Variants in SPINT1 observed in about 807,000 individuals in gnomAD.
SPINT1 encodes the protein kunitz-type protease inhibitor 1.
A neutral mutation model predicts 53.7 loss-of-function variants in SPINT1; 38 were observed. The ratio of observed to expected loss-of-function variants is 0.71; its 90% CI spans 0.55 to 0.93. The LOEUF (loss-of-function observed/expected upper bound fraction) is 0.93, where lower values mean the gene tolerates loss of function less well. Ranked by LOEUF, SPINT1 falls within the 40% of genes least tolerant of loss-of-function variation. The pLI is 0.00. For missense variants in SPINT1, 645 were observed against 692.9 expected, an observed-to-expected ratio of 0.93 and a Z score of 0.78; for synonymous variants, 283 against 280.6, an observed-to-expected ratio of 1.01 and a Z score of -0.08.
intron 2 of SPINT1, 76 bp from the exon 3 acceptor site, chr15:40,853,048 C>T (rs1202636718): frequency 1.3e-6 from 2 of 1,548,672 alleles, no homozygotes; most frequent in Non-Finnish European, 1.7e-6. Flanking sequence ...ATACTTTCAC[C>T]ACCCCACTTT....
intron 10 of SPINT1, among the ~76,000 whole-genome samples, 181 bp downstream of exon 10, chr15:40,856,504 C>T (rs936377158): frequency 1.3e-5 from 2 of 152,110 alleles, no homozygotes; most frequent in Non-Finnish European, 2.9e-5. Context: ...CAGTAAAGTG[C>T]GTGCCGATGT....
At position 40,856,211 on chromosome 15, in the gene SPINT1, A is replaced by T; in HGVS notation, c.1289-65A>T. 6 of 1,606,902 alleles carry T rather than the reference A, an allele frequency of 3.7e-6. No homozygotes were observed. In the South Asian group the frequency reaches 6.6e-5, roughly 18 times the overall value. On this transcript the variant is annotated intron_variant, in intron 9 of 10. Transcript: ENST00000562057. ...AGGATGCCAGTGTGAGGTCTGGGGC[A>T]CTGGGGAGCAGCTGAGTCTCTGAGC...
rs764959864 is a variant in SPINT1, at chr15:40,856,867, C to G, written c.1434C>G (p.Asp478Glu). The G allele has an allele frequency of 3.7e-6, 6 of 1,614,064 alleles. No homozygotes were observed. The African/African-American group carries it at 8.0e-5, about 22-fold the overall frequency. The change falls in exon 11 of 11, where the codon GAC (aspartate) becomes GAG (glutamate). Residue 478 changes from aspartate to glutamate, a missense_variant. Transcript: ENST00000562057. ...GCTTCTTCAAGAACCAGAGAAAGGA[C>G]TTCCACGGACACCACCACCACCCAC... ...GYCFFKNQRKDFHGHHHHPPP... is the reference protein window; with the variant it reads ...GYCFFKNQRKEFHGHHHHPPP...
In SPINT1 at chr15:40,855,974, C is replaced by T. The variant is rs141146817; in HGVS notation, c.1200C>T (p.Cys400=). 1.7e-4 allele frequency: 279 copies of T among 1,614,094 alleles called. No homozygotes were observed. Among genetic ancestry groups the T allele is most frequent in the African/African-American group, 2.4e-4 (18 of 74,930 alleles). Reference sequence around the variant, plus strand: ...ACTACAACCCCTTCAGCGAACACTGCGCCCGCTTTACCTATGGTGGTTGTT... The same window carrying T: ...ACTACAACCCCTTCAGCGAACACTGTGCCCGCTTTACCTATGGTGGTTGTT... The part of the protein sequence containing the change: ...RWYYNPFSEH[C]ARFTYGGCYG... Residue 400 remains cysteine (C), a synonymous_variant, in exon 9 of 11, where the codon TGC becomes TGT. Transcript: ENST00000562057.
At chr15:40,852,195 C>G (rs1032403723) in intron 2 of SPINT1, among the ~76,000 whole-genome samples, 4 of 152,192 alleles carry the variant, frequency 2.6e-5, no homozygotes, top group East Asian at 1.9e-4. Context: ...GGCTGCATCA[C>G]TCTAGTCTCT....
chr15:40,851,348 T>C (rs1434718208), intron 2 of SPINT1, among the ~76,000 whole-genome samples: 1 of 151,962 alleles, frequency 6.6e-6, no homozygotes, highest in Non-Finnish European at 1.5e-5. Context: ...GAGAGGGGGT[T>C]TCACTGTGTT....
At chr15:40,849,574 C>G (rs1201885207) in intron 2 of SPINT1, among the ~76,000 whole-genome samples, 1 of 152,130 alleles carries the variant, frequency 6.6e-6, no homozygotes, top group Non-Finnish European at 1.5e-5. Flanking sequence ...TATGTATTAC[C>G]TAAACTAGAA....
At position 40,853,252 on chromosome 15, in the gene SPINT1, G is replaced by T; in HGVS notation, c.603+1G>T. The T allele has an allele frequency of 6.2e-7, 1 of 1,614,160 alleles. No homozygotes were observed. Among genetic ancestry groups the T allele is most frequent in the Non-Finnish European group, 8.5e-7 (1 of 1,179,988 alleles). ...GGGTGACACGGATGTCAGGGTAGAG[G>T]TGAGACACTGGGCTGACTCTGACCC... On this transcript the variant is annotated splice_donor_variant, in intron 3 of 10. Coordinates refer to ENST00000562057, the MANE Select transcript of SPINT1 (RefSeq NM_003710.4). LOFTEE classifies it high-confidence loss of function.
chr15:40,856,135 C>A, intron 9 of SPINT1, 73 bp downstream of exon 9: 1 of 1,595,202 alleles, frequency 6.3e-7, no homozygotes, highest in Non-Finnish European at 8.6e-7. Context: ...TGTCCCCAGG[C>A]CTTTGGGAGT....
Position 40,856,876 on chromosome 15 carries a change from AC to A in SPINT1, c.1444del (p.His482ThrfsTer173). 1.2e-6 allele frequency: 2 copies of A among 1,614,008 alleles called. No individual in the cohort carries two copies. Among genetic ancestry groups the A allele is most frequent in the Non-Finnish European group, 1.7e-6 (2 of 1,179,996 alleles). Reference sequence around the variant, plus strand: ...AGAACCAGAGAAAGGACTTCCACGGACACCACCACCACCCACCACCCACCCC... The same window carrying A: ...AGAACCAGAGAAAGGACTTCCACGGAACCACCACCACCCACCACCCACCCC... Reference protein sequence around the residue: ...FKNQRKDFHGHHHHPPPTPAS... With the variant: ...FKNQRKDFHGXHHHPPPTPAS... On this transcript the variant is annotated frameshift_variant, in exon 11 of 11. Coordinates refer to ENST00000562057, the MANE Select transcript of SPINT1 (RefSeq NM_003710.4). LOFTEE classifies it high-confidence loss of function.
Position 40,853,880 on chromosome 15 carries a change from A to G in SPINT1, c.912A>G (p.Gln304=). ...EECILACRGV[Q]GPSMERRHPV... is the part of the protein sequence containing the mutation. Reference sequence around the variant, plus strand: ...GCATTCTAGCCTGTCGGGGTGTGCAAGGTGGGCCTTTGAGAGGCAGCTCTG... The same window carrying G: ...GCATTCTAGCCTGTCGGGGTGTGCAGGGTGGGCCTTTGAGAGGCAGCTCTG... Residue 304 remains glutamine (Q), a splice_region_variant and synonymous_variant, in exon 5 of 11, where the codon CAA becomes CAG. Coordinates refer to ENST00000562057, the MANE Select transcript of SPINT1 (RefSeq NM_003710.4). 1.2e-6 allele frequency: 2 copies of G among 1,614,132 alleles called. No individual in the cohort carries two copies. The highest frequency in any genetic ancestry group is 1.7e-6 in the Non-Finnish European group (2 of 1,180,008).
At chr15:40,855,756 G>A (rs1168297283) in intron 8 of SPINT1, 136 bp from the exon 9 acceptor site, 27 of 849,312 alleles carry the variant, frequency 3.2e-5, no homozygotes, top group Non-Finnish European at 4.6e-5. Context: ...AGCTGGGCCA[G>A]GTGTTTTGGG....
chr15:40,854,240 C>T lies in SPINT1; in HGVS notation c.940+154C>T, dbSNP rs535555037. ...CATCCCACCCCTTCCAGCCCAGCAT[C>T]GTCCTATGAGGATCTGCCCAGTTTG... On this transcript the variant is annotated intron_variant, in intron 6 of 10. Coordinates refer to ENST00000562057, the MANE Select transcript of SPINT1 (RefSeq NM_003710.4). 32 of 1,363,186 alleles carry T rather than the reference C, an allele frequency of 2.3e-5. No homozygotes were observed. The Middle Eastern group carries it at 6.4e-4, about 27-fold the overall frequency. The allele number at this position is 1,363,186 out of a possible 1,614,324, so 84.4% of individuals were successfully genotyped here. A position where few individuals can be genotyped will look rare whatever the true frequency, so the allele number is the denominator to read the frequency against.
At position 40,858,131 on chromosome 15, in the gene SPINT1, A is replaced by C. The variant is rs1891713161; in HGVS notation, c.*1156A>C. On this transcript the variant is annotated 3_prime_UTR_variant, in exon 11 of 11. Coordinates refer to ENST00000562057, the MANE Select transcript of SPINT1 (RefSeq NM_003710.4). Reference sequence around the variant, plus strand: ...CAGGAGCCTTTAGTAGAGACACGCCACTCCAACCCACACCCCTGCATTTGT... The same window carrying C: ...CAGGAGCCTTTAGTAGAGACACGCCCCTCCAACCCACACCCCTGCATTTGT... 1 of 147,292 alleles carries C rather than the reference A, an allele frequency of 6.8e-6. No individual in the cohort carries two copies. Among genetic ancestry groups the C allele is most frequent in the Non-Finnish European group, 1.5e-5 (1 of 67,120 alleles). The allele number at this position is 147,292 out of a possible 1,614,324, so 9.1% of individuals were successfully genotyped here. A position where few individuals can be genotyped will look rare whatever the true frequency, so the allele number is the denominator to read the frequency against.
intron 10 of SPINT1, 148 bp from the exon 11 acceptor site, chr15:40,856,622 A>T: frequency 4.1e-6 from 6 of 1,447,904 alleles, no homozygotes; most frequent in Non-Finnish European, 5.5e-6. Context: ...AGAGCTGTTC[A>T]GCTGTTCATA....
Position 40,857,519 on chromosome 15 carries a change from C to T in SPINT1, c.*544C>T, listed in dbSNP as rs676180. ...CTTCCCCCAAGATTGAGCTCTCTGC[C>T]CTTGATCAGCCCCACCCTGGCCTAG... On this transcript the variant is annotated 3_prime_UTR_variant, in exon 11 of 11. Coordinates refer to ENST00000562057, the MANE Select transcript of SPINT1 (RefSeq NM_003710.4). The T allele has an allele frequency of 0.089, 13,712 of 153,216 alleles. 1,309 individuals carry two copies. The highest frequency in any genetic ancestry group is 0.22 in the African/African-American group (9,340 of 41,518). 9.5% of individuals were successfully genotyped at this position (153,216 alleles called of 1,614,324 possible). A position where few individuals can be genotyped will look rare whatever the true frequency, so the allele number is the denominator to read the frequency against.
In SPINT1 at chr15:40,857,124, T is replaced by TCTCAGCTAAG. The variant is rs148433906; in HGVS notation, c.*154_*163dup. ...AGGGCTCCAGCCCCTCTTGGAGAAG[T>TCTCAGCTAAG]CTCAGCTAAGCTCACGTCCTGAGAA... On this transcript the variant is annotated 3_prime_UTR_variant, in exon 11 of 11. Transcript: ENST00000562057. 9.9e-3 allele frequency: 10,696 copies of TCTCAGCTAAG among 1,077,130 alleles called. 609 individuals carry two copies. The East Asian group carries it at 0.15, about 15-fold the overall frequency. 66.7% of individuals were successfully genotyped at this position (1,077,130 alleles called of 1,614,324 possible).
chr15:40,849,967 T>C (rs796524426), intron 2 of SPINT1, among the ~76,000 whole-genome samples: 43 of 152,392 alleles, frequency 2.8e-4, no homozygotes, highest in African/African-American at 1.0e-3. Flanking sequence ...ATACTCAACA[T>C]GTAAATGTGT....
chr15:40,853,702 C>A lies in SPINT1; in HGVS notation c.743-9C>A. 6.2e-7 allele frequency: 1 copy of A among 1,614,022 alleles called. No homozygotes were observed. Among genetic ancestry groups the A allele is most frequent in the Non-Finnish European group, 8.5e-7 (1 of 1,179,914 alleles). On this transcript the variant is annotated splice_polypyrimidine_tract_variant and intron_variant, in intron 4 of 10. Coordinates refer to ENST00000562057, the MANE Select transcript of SPINT1 (RefSeq NM_003710.4). ...GCCGCACGGTCCCCTCATAAGCTCTCCCCCCTAGACTACTGCCTCGCATCC... is the reference window on the plus strand; with the variant it reads ...GCCGCACGGTCCCCTCATAAGCTCTACCCCCTAGACTACTGCCTCGCATCC...
Sources: gnomAD v4.1 joint callset for allele counts (sites outside exome capture counted in the v4.1 genomes callset) on GRCh38, gnomAD v4.1.1 for gene constraint, MANE v1.5 for transcripts, NCBI Gene and HGNC (gene_info 2026-07-23, HGNC 2026-07-21) for gene names.